Variants in FBXL13 observed in about 807,000 individuals in gnomAD.
FBXL13 encodes F-box and leucine-rich repeat protein 13.
Under a neutral mutation model 83.6 loss-of-function variants are expected in FBXL13, and 67 were observed. The ratio of observed to expected loss-of-function variants is 0.80; its 90% CI spans 0.66 to 0.98. FBXL13 has a LOEUF of 0.98. Ranked by LOEUF, FBXL13 falls within the 50% of genes least tolerant of loss-of-function variation. The pLI is 0.00. For synonymous variants in FBXL13, 272 were observed against 299.5 expected (o/e 0.91, Z 0.95); for missense variants, 822 against 866.5 (o/e 0.95, Z 0.64).
chr7:102,850,766 C>T (rs1292792977), intron 17 of FBXL13, among the ~76,000 whole-genome samples: 2 of 152,056 alleles, frequency 1.3e-5, no homozygotes, highest in Non-Finnish European at 2.9e-5. Context: ...GTTTTGTGTT[C>T]ATTTATTTAA....
intron 1 of FBXL13, among the ~76,000 whole-genome samples, chr7:103,072,545 T>C (rs925492302): frequency 3.9e-5 from 6 of 152,192 alleles, no homozygotes; most frequent in African/African-American, 1.4e-4. Flanking sequence ...ACTGGCGGCC[T>C]AGATGAGAAG....
intron 6 of FBXL13, among the ~76,000 whole-genome samples, chr7:102,971,913 C>T (rs1192394867): frequency 6.6e-6 from 1 of 151,834 alleles, no homozygotes; most frequent in Non-Finnish European, 1.5e-5. Flanking sequence ...GTAATCCCAG[C>T]TACTTGGGAG....
intron 1 of FBXL13, among the ~76,000 whole-genome samples, chr7:103,058,725 C>A (rs1797578142): frequency 6.6e-6 from 1 of 152,190 alleles, no homozygotes. Flanking sequence ...CCTATGCATA[C>A]TGATGTCTGA....
At chr7:102,825,268 A>G (rs75197737) in intron 18 of FBXL13, among the ~76,000 whole-genome samples, 34,042 of 152,070 alleles carry the variant, frequency 0.22, 4,572 homozygotes, top group East Asian at 0.59. Flanking sequence ...CTTAAGAGGT[A>G]ATCGGGTCAT....
chr7:103,026,338 G>T (rs1227093532), intron 5 of FBXL13, among the ~76,000 whole-genome samples: 1 of 151,876 alleles, frequency 6.6e-6, no homozygotes, highest in Non-Finnish European at 1.5e-5. Flanking sequence ...GCTGAAGGGG[G>T]TGTATAAGGG....
intron 11 of FBXL13, among the ~76,000 whole-genome samples, chr7:102,895,641 A>C (rs1217547060): frequency 1.3e-5 from 2 of 152,172 alleles, no homozygotes; most frequent in African/African-American, 4.8e-5. Flanking sequence ...TTGAAGATAC[A>C]TGAATCTGTA....
intron 8 of FBXL13, among the ~76,000 whole-genome samples, chr7:102,954,563 G>A (rs955812276): frequency 6.6e-6 from 1 of 152,118 alleles, no homozygotes; most frequent in African/African-American, 2.4e-5. Flanking sequence ...AAATATAAAT[G>A]GGCTAAATGC....
chr7:103,009,782 C>A (rs1791398659), intron 6 of FBXL13, among the ~76,000 whole-genome samples: 1 of 152,218 alleles, frequency 6.6e-6, no homozygotes, highest in Admixed American at 6.5e-5. Flanking sequence ...CAGCCAGCCA[C>A]TCAACCCAAC....
At chr7:102,888,176 G>A (rs1284218505) in intron 11 of FBXL13, among the ~76,000 whole-genome samples, 1 of 152,198 alleles carries the variant, frequency 6.6e-6, no homozygotes, top group African/African-American at 2.4e-5. Flanking sequence ...ATGAGGGGAT[G>A]AATGAATTAA....
At chr7:103,001,393 G>T (rs1328403047) in intron 6 of FBXL13, among the ~76,000 whole-genome samples, 1 of 152,176 alleles carries the variant, frequency 6.6e-6, no homozygotes, top group Non-Finnish European at 1.5e-5. Context: ...TTTAATTGGA[G>T]AATTTAGTCC....
rs75361650 is a variant in FBXL13 at position 102,892,081 on chromosome 7, T to C, written c.1009-7769A>G. On this transcript the variant is annotated intron_variant, in intron 11 of 19. Coordinates refer to ENST00000313221, the Ensembl canonical transcript of FBXL13. ...AAGCAGTTCATGAAATTCTGTGTCA[T>C]TTCACAAGATAGGGAGAAGAGAATA... Among the ~76,000 whole-genome samples, 580 of 152,326 alleles carry C rather than the reference T, an allele frequency of 3.8e-3. 5 individuals carry two copies. The highest frequency in any genetic ancestry group is 0.014 in the African/African-American group (572 of 41,566).
At chr7:102,914,229 T>C (rs571193078) in intron 10 of FBXL13, among the ~76,000 whole-genome samples, 2 of 152,260 alleles carry the variant, frequency 1.3e-5, no homozygotes, top group East Asian at 1.9e-4. Context: ...CGTGCCAACA[T>C]GTCCAGCTAA....
At chr7:102,921,434 C>A (rs1351803650) in intron 10 of FBXL13, among the ~76,000 whole-genome samples, 1 of 152,118 alleles carries the variant, frequency 6.6e-6, no homozygotes, top group Non-Finnish European at 1.5e-5. Flanking sequence ...AATCCCAGCA[C>A]TTTGGGAGGC....
chr7:102,901,905 A>C (rs1813007678), intron 11 of FBXL13, among the ~76,000 whole-genome samples: 1 of 152,140 alleles, frequency 6.6e-6, no homozygotes, highest in African/African-American at 2.4e-5. Context: ...AGGAGTGCAG[A>C]TTTCTCTTTG....
At chr7:103,051,618 A>G (rs769438202) in intron 2 of FBXL13, among the ~76,000 whole-genome samples, 3 of 152,234 alleles carry the variant, frequency 2.0e-5, no homozygotes, top group Admixed American at 6.5e-5. Flanking sequence ...CTGATAAAAG[A>G]AAAACTTTAG....
intron 8 of FBXL13, among the ~76,000 whole-genome samples, chr7:102,949,160 G>A (rs1490759421): frequency 6.6e-6 from 1 of 152,174 alleles, no homozygotes; most frequent in Non-Finnish European, 1.5e-5. Context: ...AATCTTCCCA[G>A]AAATGTGTGT....
At chr7:103,063,174 A>G (rs1247308512) in intron 1 of FBXL13, among the ~76,000 whole-genome samples, 1 of 152,204 alleles carries the variant, frequency 6.6e-6, no homozygotes, top group East Asian at 1.9e-4. Context: ...CACCTTTCCT[A>G]TGCAGGTTGG....
At chr7:102,907,459 T>C (rs1813933774) in intron 11 of FBXL13, among the ~76,000 whole-genome samples, 1 of 152,022 alleles carries the variant, frequency 6.6e-6, no homozygotes, top group Non-Finnish European at 1.5e-5. Context: ...CCTAATGCTA[T>C]CTCTCCCCCA....
At chr7:102,874,229 A>G (rs1028471381) in intron 16 of FBXL13, 3 of 425,268 alleles carry the variant, frequency 7.1e-6, no homozygotes, top group African/African-American at 6.5e-5. Context: ...CTGTAGTCAA[A>G]TTTGCACTTA....
Sources: gnomAD v4.1 joint callset for allele counts (sites outside exome capture counted in the v4.1 genomes callset) on GRCh38, gnomAD v4.1.1 for gene constraint, MANE v1.5 for transcripts, NCBI Gene and HGNC (gene_info 2026-07-23, HGNC 2026-07-21) for gene names.